Variants in RANBP2 observed in about 807,000 individuals in gnomAD.
RANBP2 encodes the protein RAN binding protein 2, also known as E3 SUMO-protein ligase RanBP2.
Under a neutral mutation model 303.6 loss-of-function variants are expected in RANBP2, and 57 were observed. The observed-to-expected ratio is 0.19, with a 90% CI of 0.15 to 0.23. The LOEUF is 0.23. Among genes scored for constraint, RANBP2 ranks in the 10% least tolerant of loss-of-function variants. The pLI, the probability that RANBP2 is intolerant of heterozygous loss-of-function variation, is 1.00. For missense variants in RANBP2, 3,138 were observed against 3,780.8 expected, an observed-to-expected ratio of 0.83 and a Z score of 4.46; for synonymous variants, 1,167 against 1,301.5, an observed-to-expected ratio of 0.90 and a Z score of 2.23.
At chr2:109,486,102 A>G in the RANBP2 span, among the ~76,000 whole-genome samples, 1 of 152,174 alleles carries the variant, frequency 6.6e-6, no homozygotes, top group South Asian at 2.1e-4. Context: ...GTAACCCTCA[A>G]TAACCTTTCT....
At chr2:109,501,715 C>T in the RANBP2 span, 1,186 of 717,252 alleles carry the variant, frequency 1.7e-3, 13 homozygotes, top group African/African-American at 0.018. Flanking sequence ...GGGAGGCCGC[C>T]TGGGAAGCTC....
chr2:108,975,324 T>C, the RANBP2 span, among the ~76,000 whole-genome samples: 3 of 152,184 alleles, frequency 2.0e-5, no homozygotes, highest in African/African-American at 4.8e-5. Flanking sequence ...CCGTGTCTTC[T>C]ATGGGTCAAA....
chr2:109,138,755 C>T, the RANBP2 span, among the ~76,000 whole-genome samples: 2 of 152,228 alleles, frequency 1.3e-5, no homozygotes, highest in Non-Finnish European at 2.9e-5. Context: ...CACCATGGCC[C>T]TGTGTGAGTG....
the RANBP2 span, among the ~76,000 whole-genome samples, chr2:109,031,974 TC>T: frequency 2.3e-5 from 3 of 131,044 alleles, no homozygotes; most frequent in African/African-American, 8.8e-5. Flanking sequence ...CTCGCTGCCC[TC>T]CCTCCCATTT....
the RANBP2 span, chr2:109,398,487 A>T: frequency 9.6e-7 from 1 of 1,042,682 alleles, no homozygotes; most frequent in Non-Finnish European, 1.4e-6. Context: ...ATTTGAATGC[A>T]TTGCCAGTTT....
chr2:108,749,141 G>T lies in RANBP2; in HGVS notation c.1273+12G>T. 1 of 1,611,892 alleles carries T rather than the reference G, an allele frequency of 6.2e-7. No individual in the cohort carries two copies. The highest frequency in any genetic ancestry group is 8.5e-7 in the Non-Finnish European group (1 of 1,179,828). ...TAGATACGATGTTGGTAAGTTATAT[G>T]TTTCAGAGGAAATGGTCTCCGTCTT... On this transcript the variant is annotated intron_variant, in intron 9 of 28. Coordinates refer to ENST00000283195, the MANE Select transcript of RANBP2 (RefSeq NM_006267.5).
At chr2:109,739,027 C>T in the RANBP2 span, among the ~76,000 whole-genome samples, 1 of 144,888 alleles carries the variant, frequency 6.9e-6, no homozygotes, top group Middle Eastern at 3.7e-3. Flanking sequence ...CTCCCCAATG[C>T]GTGTTCTTGG....
At chr2:108,937,824 G>C in the RANBP2 span, among the ~76,000 whole-genome samples, 2 of 152,254 alleles carry the variant, frequency 1.3e-5, no homozygotes, top group Middle Eastern at 3.4e-3. Flanking sequence ...GTGGACCTGC[G>C]GGGAGAGGCA....
chr2:108,937,073 A>G, the RANBP2 span, among the ~76,000 whole-genome samples: 3 of 152,260 alleles, frequency 2.0e-5, no homozygotes, highest in African/African-American at 7.2e-5. Flanking sequence ...TGGCAAGACC[A>G]CAGGCACCGT....
the RANBP2 span, among the ~76,000 whole-genome samples, chr2:109,253,668 G>C: frequency 6.6e-6 from 1 of 152,038 alleles, no homozygotes; most frequent in South Asian, 2.1e-4. Flanking sequence ...GTTGTATCTG[G>C]GTCATTTGGA....
the RANBP2 span, among the ~76,000 whole-genome samples, chr2:109,030,585 C>A: frequency 6.6e-6 from 1 of 152,148 alleles, no homozygotes; most frequent in African/African-American, 2.4e-5. Flanking sequence ...GTGGTGGCCT[C>A]TTTGAGGATG....
At chr2:109,161,497 A>G in the RANBP2 span, among the ~76,000 whole-genome samples, 3 of 151,494 alleles carry the variant, frequency 2.0e-5, no homozygotes, top group South Asian at 4.1e-4. Context: ...TGCATTACAT[A>G]TCGTAAGGCG....
the RANBP2 span, among the ~76,000 whole-genome samples, chr2:109,362,485 A>C: frequency 2.0e-5 from 3 of 152,194 alleles, no homozygotes; most frequent in African/African-American, 7.2e-5. Context: ...AGACCAGAAT[A>C]TGGTCTGTCC....
At position 108,744,805 on chromosome 2, in the gene RANBP2, C is replaced by G. The variant is rs536204294; in HGVS notation, c.976-1906C>G. Among the ~76,000 whole-genome samples the G allele has an allele frequency of 2.0e-5, 3 of 152,280 alleles. No individual in the cohort carries two copies. In the East Asian group the frequency reaches 5.8e-4, roughly 29 times the overall value. Reference sequence around the variant, plus strand: ...TGCTATGAAGACTCCTTTCTGTTCCCTAGTTATTTACTTTCTCCACCTCCA... The same window carrying G: ...TGCTATGAAGACTCCTTTCTGTTCCGTAGTTATTTACTTTCTCCACCTCCA... On this transcript the variant is annotated intron_variant, in intron 7 of 28. Transcript: ENST00000283195.
chr2:109,592,484 C>T, the RANBP2 span, among the ~76,000 whole-genome samples: 6 of 137,254 alleles, frequency 4.4e-5, no homozygotes, highest in East Asian at 6.7e-4. Flanking sequence ...AAACAAACAA[C>T]GAATGATAAA....
the RANBP2 span, among the ~76,000 whole-genome samples, chr2:109,451,043 C>A: frequency 6.6e-6 from 1 of 152,220 alleles, no homozygotes; most frequent in Non-Finnish European, 1.5e-5. Flanking sequence ...CAACATGAGC[C>A]GGGAACGCTG....
At chr2:108,759,762 C>G (rs1028807139) in intron 18 of RANBP2, among the ~76,000 whole-genome samples, 1 of 151,902 alleles carries the variant, frequency 6.6e-6, no homozygotes, top group African/African-American at 2.4e-5. Flanking sequence ...ATAAACAAAC[C>G]GGCTAGCCTT....
intron 4 of RANBP2, among the ~76,000 whole-genome samples, chr2:108,733,090 C>T (rs1240838259): frequency 3.3e-5 from 5 of 152,110 alleles, no homozygotes; most frequent in Non-Finnish European, 7.4e-5. Flanking sequence ...TCCCAAAGTG[C>T]TAGGATTACA....
chr2:109,281,749 C>T, the RANBP2 span, among the ~76,000 whole-genome samples: 2 of 152,196 alleles, frequency 1.3e-5, no homozygotes, highest in African/African-American at 4.8e-5. Context: ...TGGGTGCAGG[C>T]CCAGAGAGCA....
Sources: gnomAD v4.1 joint callset for allele counts (sites outside exome capture counted in the v4.1 genomes callset) on GRCh38, gnomAD v4.1.1 for gene constraint, MANE v1.5 for transcripts, NCBI Gene and HGNC (gene_info 2026-07-23, HGNC 2026-07-21) for gene names.